The following TMEM232 variants were observed in gnomAD, a reference collection of about 807,000 sequenced individuals.
TMEM232 encodes the protein transmembrane protein 232.
A neutral mutation model predicts 78.8 loss-of-function variants in TMEM232; 80 were observed. That is an observed-to-expected ratio of 1.01 (90% CI 0.85 to 1.22). The LOEUF (loss-of-function observed/expected upper bound fraction) is 1.22, where lower values mean the gene tolerates loss of function less well. Among genes scored for constraint, TMEM232 ranks in the 50% most tolerant of loss-of-function variants. The probability of loss-of-function intolerance (pLI) is 0.00; values close to 1 mark genes in which losing one functional copy is unlikely to be tolerated. For synonymous variants in TMEM232, 297 were observed against 254.3 expected (o/e 1.17, Z -1.60); for missense variants, 881 against 742.2 (o/e 1.19, Z -2.17).
intron 3 of TMEM232, among the ~76,000 whole-genome samples, chr5:110,391,801 TACTCC>T (rs1755206241): frequency 2.0e-5 from 3 of 152,222 alleles, no homozygotes; most frequent in Admixed American, 2.0e-4. Flanking sequence ...GTACAAATAG[TACTCC>T]ACTTGTAAAA....
At chr5:110,581,680 A>T (rs1778223220) in intron 10 of TMEM232, among the ~76,000 whole-genome samples, 1 of 151,994 alleles carries the variant, frequency 6.6e-6, no homozygotes, top group African/African-American at 2.4e-5. Context: ...AACTAATTAA[A>T]GAGCTTCTGC....
intron 10 of TMEM232, among the ~76,000 whole-genome samples, chr5:110,575,342 A>T (rs1777456047): frequency 6.6e-6 from 1 of 152,044 alleles, no homozygotes; most frequent in Non-Finnish European, 1.5e-5. Context: ...CCAAACTTTA[A>T]AAGTTAGCTG....
intron 4 of TMEM232, among the ~76,000 whole-genome samples, chr5:110,388,423 C>T (rs1279129676): frequency 6.6e-6 from 1 of 152,122 alleles, no homozygotes; most frequent in Non-Finnish European, 1.5e-5. Context: ...TACAAGCTTC[C>T]AGTTTGCTTG....
At chr5:110,401,231 G>T (rs995353130) in intron 2 of TMEM232, among the ~76,000 whole-genome samples, 2 of 151,316 alleles carry the variant, frequency 1.3e-5, no homozygotes, top group African/African-American at 4.9e-5. Context: ...TTAAGGTAAT[G>T]CATATAGTAA....
rs1781409554 is a variant in TMEM232, at chr5:110,605,301, T to C, written c.1084A>G (p.Thr362Ala). 5 of 1,551,290 alleles carry C rather than the reference T, an allele frequency of 3.2e-6. No individual in the cohort carries two copies. The highest frequency in any genetic ancestry group is 4.4e-6 in the Non-Finnish European group (5 of 1,146,742). Residue 362 changes from threonine to alanine, a missense_variant, in exon 10 of 14, where the codon ACA becomes GCA. By Grantham distance (58) the Thr-to-Ala change is moderately conservative. Coordinates refer to ENST00000455884, the MANE Select transcript of TMEM232 (RefSeq NM_001039763.4). Reference sequence around the variant, plus strand: ...AAGCAGATTTCTGCAAGAATTACTGTATATATGTAGACTACATTCCAGGCC... The same window carrying C: ...AAGCAGATTTCTGCAAGAATTACTGCATATATGTAGACTACATTCCAGGCC... ...SWAWNVVYIYTVILAEICLYA... is the reference protein window; with the variant it reads ...SWAWNVVYIYAVILAEICLYA...
At chr5:110,707,624 T>C (rs116301276) in intron 1 of TMEM232, among the ~76,000 whole-genome samples, 1,893 of 152,286 alleles carry the variant, frequency 0.012, 47 homozygotes, top group African/African-American at 0.043. Flanking sequence ...TAGTGTTGGG[T>C]TGGACTCAGA....
chr5:110,448,531 G>A (rs1285766988), intron 12 of TMEM232, among the ~76,000 whole-genome samples: 1 of 151,834 alleles, frequency 6.6e-6, no homozygotes, highest in East Asian at 1.9e-4. Context: ...TTTAAATTTG[G>A]TTACAAAATT....
chr5:110,502,196 T>C (rs1463810284), intron 12 of TMEM232, among the ~76,000 whole-genome samples: 17 of 152,180 alleles, frequency 1.1e-4, no homozygotes, highest in Non-Finnish European at 8.8e-5. Flanking sequence ...GTTCCTCAAG[T>C]CTTATGATTC....
At chr5:110,399,150 A>G (rs778347085) in intron 2 of TMEM232, among the ~76,000 whole-genome samples, 10 of 152,142 alleles carry the variant, frequency 6.6e-5, no homozygotes, top group Non-Finnish European at 1.5e-4. Context: ...AAAAGCTTAC[A>G]CAGCACAAAG....
intron 7 of TMEM232, among the ~76,000 whole-genome samples, chr5:110,621,110 G>A (rs535901022): frequency 1.3e-5 from 2 of 151,716 alleles, no homozygotes; most frequent in Admixed American, 6.6e-5. Flanking sequence ...TGATGCACCC[G>A]CCTCTGCCTC....
chr5:110,726,376 G>A (rs1369405689), intron 1 of TMEM232, among the ~76,000 whole-genome samples: 1 of 152,022 alleles, frequency 6.6e-6, no homozygotes, highest in African/African-American at 2.4e-5. Flanking sequence ...CAACAAAAAA[G>A]CTTCCCCTAT....
chr5:110,640,402 GT>G lies in TMEM232; in HGVS notation c.343+488del, dbSNP rs1214860200. Among the ~76,000 whole-genome samples the G allele has an allele frequency of 2.7e-5, 4 of 150,340 alleles. No homozygotes were observed. The East Asian group carries it at 7.7e-4, about 29-fold the overall frequency. On this transcript the variant is annotated intron_variant, in intron 4 of 13. Transcript: ENST00000455884. ...ATTTTACCCCCTTAGAAATAACGTT[GT>G]TTAATTTTTTTTTTAGATTAGTTAG... is the stretch of plus-strand genomic sequence containing the variant.
chr5:110,391,146 C>T (rs774465491), intron 3 of TMEM232, among the ~76,000 whole-genome samples: 7 of 152,110 alleles, frequency 4.6e-5, no homozygotes, highest in Non-Finnish European at 1.0e-4. Context: ...GCAGGGATGG[C>T]CTTTTTGCTG....
chr5:110,532,572 A>T (rs953885426), intron 11 of TMEM232, among the ~76,000 whole-genome samples: 1 of 151,808 alleles, frequency 6.6e-6, no homozygotes, highest in Admixed American at 6.6e-5. Context: ...ACTCCTTTTT[A>T]GTATCCCCAC....
intron 2 of TMEM232, among the ~76,000 whole-genome samples, chr5:110,404,920 G>C (rs917110688): frequency 5.3e-5 from 8 of 151,968 alleles, no homozygotes; most frequent in Non-Finnish European, 1.2e-4. Context: ...CACAGTGATG[G>C]CAGGAGATAT....
chr5:110,669,134 A>G (rs577035030), intron 1 of TMEM232, among the ~76,000 whole-genome samples: 1 of 152,328 alleles, frequency 6.6e-6, no homozygotes, highest in African/African-American at 2.4e-5. Flanking sequence ...AGAGCAGAGC[A>G]GAACTGAAGG....
At chr5:110,689,113 C>T (rs1399970219) in intron 1 of TMEM232, among the ~76,000 whole-genome samples, 1 of 152,100 alleles carries the variant, frequency 6.6e-6, no homozygotes, top group Non-Finnish European at 1.5e-5. Flanking sequence ...AAGGCATAGA[C>T]CTGTATCCCA....
At chr5:110,692,577 A>G (rs1256177697) in intron 1 of TMEM232, among the ~76,000 whole-genome samples, 2 of 152,210 alleles carry the variant, frequency 1.3e-5, no homozygotes, top group Non-Finnish European at 2.9e-5. Context: ...CAGATGGCAC[A>G]TGGAATATCG....
intron 1 of TMEM232, among the ~76,000 whole-genome samples, chr5:110,712,444 T>C (rs1796589823): frequency 6.6e-6 from 1 of 152,120 alleles, no homozygotes; most frequent in Non-Finnish European, 1.5e-5. Flanking sequence ...AATATCTGAA[T>C]AGATATTTTT....
Sources: allele counts gnomAD v4.1 joint callset (sites outside exome capture counted in the v4.1 genomes callset), GRCh38; gene constraint gnomAD v4.1.1; transcripts MANE v1.5; gene names NCBI Gene and HGNC (gene_info 2026-07-23, HGNC 2026-07-21).